The following BFSP2 variants were observed in gnomAD, a reference collection of about 807,000 sequenced individuals.
The protein encoded by BFSP2 is beaded filament structural protein 2.
Under a neutral mutation model 44.9 loss-of-function variants are expected in BFSP2, and 38 were observed. The observed-to-expected ratio is 0.85, with a 90% CI of 0.65 to 1.11. The LOEUF is 1.11. Ranked by LOEUF, BFSP2 falls within the 50% of genes least tolerant of loss-of-function variation. The pLI, the probability that BFSP2 is intolerant of heterozygous loss-of-function variation, is 0.00. For synonymous variants in BFSP2, 197 were observed against 209.9 expected (o/e 0.94, Z 0.53); for missense variants, 525 against 533.0 (o/e 0.99, Z 0.15).
intron 4 of BFSP2, among the ~76,000 whole-genome samples, chr3:133,458,522 C>A (rs935720386): frequency 6.6e-6 from 1 of 152,056 alleles, no homozygotes; most frequent in Non-Finnish European, 1.5e-5. Flanking sequence ...GGTGAAACCA[C>A]GTCTCTACTA....
intron 3 of BFSP2, among the ~76,000 whole-genome samples, chr3:133,449,524 GTTTGTTTGTTTT>G (rs2073936844): frequency 6.6e-6 from 1 of 151,528 alleles, no homozygotes; most frequent in East Asian, 1.9e-4. Flanking sequence ...TTGTTTGTTT[GTTTGTTTGTTTT>G]ATTTTGATTT....
At chr3:133,417,965 A>C (rs1247260743) in intron 1 of BFSP2, among the ~76,000 whole-genome samples, 6 of 60,744 alleles carry the variant, frequency 9.9e-5, no homozygotes, top group African/African-American at 6.9e-5. Flanking sequence ...CACCTCTGTC[A>C]TCTCCCCTCT....
chr3:133,436,567 T>C (rs1323755446), intron 1 of BFSP2, among the ~76,000 whole-genome samples: 1 of 152,214 alleles, frequency 6.6e-6, no homozygotes, highest in Non-Finnish European at 1.5e-5. Context: ...TTGTTTGGCT[T>C]ACTATGCACC....
intron 1 of BFSP2, among the ~76,000 whole-genome samples, chr3:133,441,317 G>C (rs575343299): frequency 2.6e-5 from 4 of 152,040 alleles, no homozygotes; most frequent in Admixed American, 6.6e-5. Context: ...ATTATACTTC[G>C]TAATCCCCTG....
chr3:133,400,579 G>A lies in BFSP2; in HGVS notation c.489+7G>A, dbSNP rs779218350. 6.3e-7 allele frequency: 1 copy of A among 1,589,342 alleles called. No individual in the cohort carries two copies. The highest frequency in any genetic ancestry group is 1.7e-4 in the Middle Eastern group (1 of 5,916). On this transcript the variant is annotated splice_region_variant and intron_variant, in intron 1 of 6. Coordinates refer to ENST00000302334, the MANE Select transcript of BFSP2 (RefSeq NM_003571.4). The surrounding 1 kb of genome is among the most constrained non-coding windows in gnomAD (Gnocchi z 4.0). ...GGCCAGCAGCTGCCAGCAGGTAAGT[G>A]TCCAGGCTGTGCCAAGGGCTTTGCA...
intron 1 of BFSP2, chr3:133,412,456 C>G (rs189403383): frequency 3.9e-5 from 6 of 152,234 alleles, no homozygotes; most frequent in Non-Finnish European, 8.8e-5. Flanking sequence ...GTTGATCAAC[C>G]GACATACGCT....
At chr3:133,440,205 T>C (rs2073831473) in intron 1 of BFSP2, among the ~76,000 whole-genome samples, 1 of 110,628 alleles carries the variant, frequency 9.0e-6, no homozygotes, top group Non-Finnish European at 1.9e-5. Context: ...ATCATGAGAA[T>C]AGCACGGGAA....
intron 4 of BFSP2, among the ~76,000 whole-genome samples, chr3:133,453,423 C>A (rs763024405): frequency 1.3e-5 from 2 of 152,122 alleles, no homozygotes; most frequent in Non-Finnish European, 1.5e-5. Context: ...AGAAGCAGAT[C>A]CTGAAACAAA....
intron 1 of BFSP2, among the ~76,000 whole-genome samples, chr3:133,444,000 G>C (rs921776966): frequency 1.3e-5 from 2 of 151,900 alleles, no homozygotes; most frequent in African/African-American, 2.4e-5. Context: ...GTGAAAACAG[G>C]AGTAGTATTA....
At chr3:133,447,681 C>A (rs569362301) in intron 2 of BFSP2, among the ~76,000 whole-genome samples, 1 of 152,166 alleles carries the variant, frequency 6.6e-6, no homozygotes, top group East Asian at 1.9e-4. Context: ...GAGATTGCTG[C>A]GCCCCACCCT....
chr3:133,409,158 G>GA (rs1200621104), intron 1 of BFSP2, among the ~76,000 whole-genome samples: 2 of 151,992 alleles, frequency 1.3e-5, no homozygotes. Flanking sequence ...AAAGACAACA[G>GA]AAAAAAACCC....
chr3:133,405,106 A>G (rs1384116187), intron 1 of BFSP2, among the ~76,000 whole-genome samples: 1 of 152,222 alleles, frequency 6.6e-6, no homozygotes, highest in African/African-American at 2.4e-5. Context: ...ATGAAAGGAG[A>G]GTGGGGTCAG....
At position 133,450,561 on chromosome 3, in the gene BFSP2, G is replaced by C. The variant is rs1008598768; in HGVS notation, c.891+97G>C. 9 of 1,424,958 alleles carry C rather than the reference G, an allele frequency of 6.3e-6. No homozygotes were observed. In the African/African-American group the frequency reaches 1.3e-4, roughly 20 times the overall value. 88.3% of individuals were successfully genotyped at this position (1,424,958 alleles called of 1,614,324 possible). A position where few individuals can be genotyped will look rare whatever the true frequency, so the allele number is the denominator to read the frequency against. On this transcript the variant is annotated intron_variant, in intron 4 of 6. Coordinates refer to ENST00000302334, the MANE Select transcript of BFSP2 (RefSeq NM_003571.4). ...AATGTGCAGACGAAGAAATAACAAC[G>C]GTTTAGTAACAAGTTCAACCTCATT...
intron 1 of BFSP2, among the ~76,000 whole-genome samples, chr3:133,407,495 T>C (rs2073414326): frequency 1.3e-5 from 2 of 152,322 alleles, no homozygotes; most frequent in African/African-American, 4.8e-5. Context: ...TTCCATTTTT[T>C]TTTCTAGAGT....
chr3:133,447,236 G>C, intron 1 of BFSP2, 81 bp from the exon 2 acceptor site: 2 of 1,459,798 alleles, frequency 1.4e-6, no homozygotes, highest in Non-Finnish European at 1.9e-6. Context: ...CAGAGCCTCT[G>C]TGCCTAACAC....
chr3:133,435,740 C>A (rs1397076531), intron 1 of BFSP2, among the ~76,000 whole-genome samples: 1 of 152,172 alleles, frequency 6.6e-6, no homozygotes. Context: ...ATGAATTTTT[C>A]CCTTGCAAAT....
At chr3:133,417,146 C>CTT (rs2073543649) in intron 1 of BFSP2, among the ~76,000 whole-genome samples, 1 of 139,610 alleles carries the variant, frequency 7.2e-6, no homozygotes. Context: ...TGCCCTCTCC[C>CTT]CTCTCTCATC....
intron 4 of BFSP2, among the ~76,000 whole-genome samples, chr3:133,461,511 C>G (rs2074063745): frequency 6.6e-6 from 1 of 152,080 alleles, no homozygotes; most frequent in Non-Finnish European, 1.5e-5. Context: ...AAAACACAGC[C>G]CCACCTTCCT....
chr3:133,473,588 A>T (rs1013175558), intron 6 of BFSP2, among the ~76,000 whole-genome samples: 2 of 150,976 alleles, frequency 1.3e-5, no homozygotes, highest in African/African-American at 4.9e-5. Flanking sequence ...TGGTTTTCCT[A>T]GGCAGAGGAC....
Sources: gnomAD v4.1 joint callset for allele counts (sites outside exome capture counted in the v4.1 genomes callset) on GRCh38, gnomAD v4.1.1 for gene constraint, Gnocchi (gnomAD v3.1) non-coding constraint, MANE v1.5 for transcripts, NCBI Gene and HGNC (gene_info 2026-07-23, HGNC 2026-07-21) for gene names.